ANKRD29: variants seen among roughly 807,000 people sequenced by gnomAD.
The protein encoded by ANKRD29 is ankyrin repeat domain 29, also known as ankyrin repeat domain-containing protein 29.
Under a neutral mutation model 38.0 loss-of-function variants are expected in ANKRD29, and 32 were observed. The observed-to-expected ratio is 0.84, with a 90% CI of 0.64 to 1.13. The LOEUF is 1.13. ANKRD29 is among the 50% of genes most tolerant of loss of function. The pLI, the probability that ANKRD29 is intolerant of heterozygous loss-of-function variation, is 0.00. For synonymous variants in ANKRD29, 135 were observed against 152.4 expected (o/e 0.89, Z 0.84); for missense variants, 357 against 377.9 (o/e 0.94, Z 0.46).
chr18:23,621,923 A>G (rs2059801993), intron 6 of ANKRD29, among the ~76,000 whole-genome samples: 1 of 151,934 alleles, frequency 6.6e-6, no homozygotes, highest in South Asian at 2.1e-4. Flanking sequence ...GCCTCCAGCA[A>G]TCCTCCCACC....
At chr18:23,616,577 A>AATATAT in intron 8 of ANKRD29, among the ~76,000 whole-genome samples, 1 of 135,958 alleles carries the variant, frequency 7.4e-6, no homozygotes, top group African/African-American at 3.1e-5. Flanking sequence ...CTATATATAC[A>AATATAT]GTATATATAT....
chr18:23,652,064 G>A (rs1249018925), intron 1 of ANKRD29, among the ~76,000 whole-genome samples: 1 of 152,140 alleles, frequency 6.6e-6, no homozygotes, highest in Non-Finnish European at 1.5e-5. Flanking sequence ...AAAAAATGAT[G>A]AGTTCAGGGT....
At chr18:23,652,634 C>T (rs370743477) in intron 1 of ANKRD29, among the ~76,000 whole-genome samples, 2 of 152,182 alleles carry the variant, frequency 1.3e-5, no homozygotes, top group Non-Finnish European at 2.9e-5. Context: ...TGGGGCCAGT[C>T]CTCTAGCCTT....
rs139053257 is a variant in ANKRD29 at position 23,658,380 on chromosome 18, C to T, written c.21+4330G>A. Among the ~76,000 whole-genome samples, 175 of 152,194 alleles carry T rather than the reference C, an allele frequency of 1.1e-3. 3 individuals carry two copies. In the East Asian group the frequency reaches 0.028, roughly 24 times the overall value. On this transcript the variant is annotated intron_variant, in intron 1 of 9. Coordinates refer to ENST00000592179, the MANE Select transcript of ANKRD29 (RefSeq NM_173505.4). ...TCGTGATTGTGCCAGCCTGGGCAGG[C>T]GACAGAGTGAGACCCTGTCTCAAAA...
At chr18:23,616,592 ATAC>A (rs1396809114) in intron 8 of ANKRD29, among the ~76,000 whole-genome samples, 23 of 141,986 alleles carry the variant, frequency 1.6e-4, no homozygotes, top group African/African-American at 5.1e-4. Context: ...ATATATATAT[ATAC>A]TATATATACT....
intron 1 of ANKRD29, among the ~76,000 whole-genome samples, chr18:23,659,967 C>A (rs577397897): frequency 3.9e-4 from 58 of 149,682 alleles, no homozygotes; most frequent in East Asian, 6.2e-4. Context: ...AAAAATTAGC[C>A]GGGCGTGGTG....
In ANKRD29 at chr18:23,639,573, C is replaced by T. The variant is rs926572291; in HGVS notation, c.232-626G>A. ...TTGAGACAGAGTCTTGCTCTGTCACCGAGGCTGGATGGAGTGCAGTGGTGC... is the reference window on the plus strand; with the variant it reads ...TTGAGACAGAGTCTTGCTCTGTCACTGAGGCTGGATGGAGTGCAGTGGTGC... On this transcript the variant is annotated intron_variant, in intron 3 of 9. Transcript: ENST00000592179. Among the ~76,000 whole-genome samples the T allele has an allele frequency of 4.0e-5, 6 of 148,786 alleles. No individual in the cohort carries two copies. The South Asian group carries it at 6.4e-4, about 16-fold the overall frequency.
At chr18:23,645,655 G>C (rs2060129565) in intron 3 of ANKRD29, among the ~76,000 whole-genome samples, 1 of 152,200 alleles carries the variant, frequency 6.6e-6, no homozygotes, top group African/African-American at 2.4e-5. Flanking sequence ...TCCCAAGATT[G>C]TCCTTGAATG....
intron 5 of ANKRD29, 58 bp from the exon 6 acceptor site, chr18:23,630,009 G>T: frequency 6.8e-7 from 1 of 1,475,814 alleles, no homozygotes; most frequent in Non-Finnish European, 9.3e-7. Flanking sequence ...TATTTTAAAA[G>T]AAATTAGGGC....
At chr18:23,657,024 GC>G (rs1453701397) in intron 1 of ANKRD29, among the ~76,000 whole-genome samples, 1 of 152,194 alleles carries the variant, frequency 6.6e-6, no homozygotes. Context: ...GGCCCACCTG[GC>G]TTCCAGGCCA....
chr18:23,645,449 C>T (rs2060126572), intron 3 of ANKRD29, among the ~76,000 whole-genome samples: 1 of 152,186 alleles, frequency 6.6e-6, no homozygotes, highest in Admixed American at 6.5e-5. Context: ...GTGGCACACA[C>T]CTGCAGTCCC....
At chr18:23,640,076 T>TA (rs1299429118) in intron 3 of ANKRD29, among the ~76,000 whole-genome samples, 47 of 152,328 alleles carry the variant, frequency 3.1e-4, no homozygotes, top group Admixed American at 3.1e-3. Flanking sequence ...ACATTATGTG[T>TA]ATTTTACCAC....
At chr18:23,625,903 C>G (rs1475441794) in intron 6 of ANKRD29, among the ~76,000 whole-genome samples, 3 of 152,190 alleles carry the variant, frequency 2.0e-5, no homozygotes, top group Non-Finnish European at 4.4e-5. Context: ...GGCCCTATAT[C>G]TGGAGCCTTC....
chr18:23,632,761 G>T (rs577121436), intron 5 of ANKRD29, among the ~76,000 whole-genome samples: 13 of 152,002 alleles, frequency 8.6e-5, no homozygotes, highest in Non-Finnish European at 1.6e-4. Context: ...GTTGAGAATC[G>T]CCTCTTTAGA....
intron 5 of ANKRD29, among the ~76,000 whole-genome samples, chr18:23,633,816 A>C (rs925098674): frequency 6.6e-6 from 1 of 151,812 alleles, no homozygotes. Context: ...TGATCCACCC[A>C]CCTCGGCCTC....
intron 3 of ANKRD29, among the ~76,000 whole-genome samples, chr18:23,642,599 C>T (rs1412154043): frequency 6.6e-6 from 1 of 152,178 alleles, no homozygotes; most frequent in Non-Finnish European, 1.5e-5. Flanking sequence ...GCCAAGTGGG[C>T]AGAATGAGCC....
chr18:23,634,010 G>A (rs979474104), intron 5 of ANKRD29, 41 bp downstream of exon 5: 3 of 1,588,640 alleles, frequency 1.9e-6, no homozygotes, highest in Non-Finnish European at 2.6e-6. Flanking sequence ...AATTTTGTAT[G>A]TGATGAGAAA....
chr18:23,656,569 A>T (rs947073559), intron 1 of ANKRD29, among the ~76,000 whole-genome samples: 1 of 152,246 alleles, frequency 6.6e-6, no homozygotes, highest in Non-Finnish European at 1.5e-5. Context: ...TAAAATACTG[A>T]TGCCACATGA....
Position 23,616,595 on chromosome 18 carries a change from CT to C in ANKRD29, c.723+1136del, listed in dbSNP as rs958265546. On this transcript the variant is annotated intron_variant, in intron 8 of 9. Transcript: ENST00000592179. ...TATATACAGTATATATATATATATA[CT>C]ATATATACTATATATATAGTGTATA... is the stretch of plus-strand genomic sequence containing the variant. Among the ~76,000 whole-genome samples, 393 of 131,846 alleles carry C rather than the reference CT, an allele frequency of 3.0e-3. 4 individuals are homozygous for C. The highest frequency in any genetic ancestry group is 0.011 in the African/African-American group (351 of 32,364). The allele number at this position is 131,846 out of a possible 152,430, so 86.5% of individuals were successfully genotyped here.
Sources: gnomAD v4.1 joint callset for allele counts (sites outside exome capture counted in the v4.1 genomes callset) on GRCh38, gnomAD v4.1.1 for gene constraint, MANE v1.5 for transcripts, NCBI Gene and HGNC (gene_info 2026-07-23, HGNC 2026-07-21) for gene names.